SH3PXD2A: variants seen among roughly 807,000 people sequenced by gnomAD.
SH3PXD2A encodes SH3 and PX domains 2A.
A neutral mutation model predicts 115.2 loss-of-function variants in SH3PXD2A; 32 were observed. The ratio of observed to expected loss-of-function variants is 0.28; its 90% CI spans 0.21 to 0.37. SH3PXD2A has a LOEUF of 0.37. SH3PXD2A is among the 10% of genes least tolerant of loss of function. The pLI is 1.00. For missense variants in SH3PXD2A, 1,328 were observed against 1,498.7 expected (o/e 0.89, Z 1.88); for synonymous variants, 610 against 629.1 (o/e 0.97, Z 0.45).
At chr10:103,661,728 G>A (rs950646022) in intron 7 of SH3PXD2A, 3 of 985,388 alleles carry the variant, frequency 3.0e-6, no homozygotes, top group Non-Finnish European at 3.6e-6. Flanking sequence ...CAGGCGAGGA[G>A]TCAAGAGGGT....
At chr10:103,698,329 C>T (rs1175267113) in intron 5 of SH3PXD2A, among the ~76,000 whole-genome samples, 1 of 152,262 alleles carries the variant, frequency 6.6e-6, no homozygotes, top group Non-Finnish European at 1.5e-5. Flanking sequence ...ACACCCCTCA[C>T]CACTCTCCCT....
At chr10:103,686,218 C>A (rs1404116537) in intron 6 of SH3PXD2A, among the ~76,000 whole-genome samples, 2 of 152,216 alleles carry the variant, frequency 1.3e-5, no homozygotes, top group Admixed American at 1.3e-4. Context: ...TGTAACAACA[C>A]TCTTGAGCAA....
intron 2 of SH3PXD2A, among the ~76,000 whole-genome samples, chr10:103,798,159 A>G (rs1168093101): frequency 6.6e-6 from 1 of 152,110 alleles, no homozygotes; most frequent in Non-Finnish European, 1.5e-5. Flanking sequence ...GGTGCAGGGA[A>G]CCAACTTGTA....
chr10:103,693,256 C>T (rs2037783140), intron 5 of SH3PXD2A, 200 bp from the exon 6 acceptor site: 1 of 148,078 alleles, frequency 6.8e-6, no homozygotes, highest in South Asian at 1.8e-4. Context: ...CGCGGGCCCC[C>T]TGCCAGCCCG....
intron 8 of SH3PXD2A, among the ~76,000 whole-genome samples, chr10:103,649,923 G>C (rs1432416299): frequency 1.3e-5 from 2 of 152,176 alleles, no homozygotes; most frequent in Non-Finnish European, 2.9e-5. Context: ...CCAGCTGTAG[G>C]GCAGCCCCAC....
At chr10:103,623,463 C>T (rs1203248416) in intron 9 of SH3PXD2A, among the ~76,000 whole-genome samples, 1 of 152,170 alleles carries the variant, frequency 6.6e-6, no homozygotes, top group African/African-American at 2.4e-5. Flanking sequence ...GCCAGCTGGC[C>T]TCACTTCCTG....
At chr10:103,773,934 T>G (rs1486899777) in intron 2 of SH3PXD2A, among the ~76,000 whole-genome samples, 1 of 152,146 alleles carries the variant, frequency 6.6e-6, no homozygotes, top group African/African-American at 2.4e-5. Flanking sequence ...AGGGTCTCAC[T>G]ATGTTGCCCT....
At chr10:103,717,208 C>T (rs113032718) in intron 5 of SH3PXD2A, among the ~76,000 whole-genome samples, 10 of 152,086 alleles carry the variant, frequency 6.6e-5, no homozygotes, top group East Asian at 1.9e-4. Context: ...CTCTGCTCCC[C>T]GAGGTGGGCA....
rs2036160760 is a variant in SH3PXD2A at position 103,598,163 on chromosome 10, G to T, written c.*3653C>A. ...ATGGAAAATCAAGGAGGAAGAAAGA[G>T]AAACCTTTGGGGCCAGGCTTAGGGT... is the stretch of plus-strand genomic sequence containing the variant. On this transcript the variant is annotated 3_prime_UTR_variant, in exon 15 of 15. Transcript: ENST00000369774. The T allele has an allele frequency of 6.5e-6, 1 of 152,698 alleles. No individual in the cohort carries two copies. Among genetic ancestry groups the T allele is most frequent in the South Asian group, 2.1e-4 (1 of 4,834 alleles). 9.5% of individuals were successfully genotyped at this position (152,698 alleles called of 1,614,324 possible).
At chr10:103,818,334 G>A (rs2039344925) in intron 1 of SH3PXD2A, among the ~76,000 whole-genome samples, 1 of 152,178 alleles carries the variant, frequency 6.6e-6, no homozygotes, top group African/African-American at 2.4e-5. Context: ...TTGGGGAAAT[G>A]TATGCTGGAC....
At chr10:103,716,049 T>G (rs966085280) in intron 5 of SH3PXD2A, among the ~76,000 whole-genome samples, 1 of 152,218 alleles carries the variant, frequency 6.6e-6, no homozygotes. Context: ...GAGAAAGTCA[T>G]GCAGAGGAGA....
intron 5 of SH3PXD2A, among the ~76,000 whole-genome samples, chr10:103,703,801 C>T (rs529385731): frequency 2.6e-5 from 4 of 152,272 alleles, no homozygotes; most frequent in Admixed American, 1.3e-4. Flanking sequence ...TTGGACAGTA[C>T]AGTCCAGACT....
At chr10:103,639,638 A>AG (rs2036922678) in intron 8 of SH3PXD2A, among the ~76,000 whole-genome samples, 1 of 134,370 alleles carries the variant, frequency 7.4e-6, no homozygotes, top group South Asian at 2.6e-4. Context: ...AAAAAGAAAA[A>AG]AAAAAAAGAA....
Position 103,603,807 on chromosome 10 carries a change from A to C in SH3PXD2A, c.1429-18T>G. 6.3e-7 allele frequency: 1 copy of C among 1,577,302 alleles called. No individual in the cohort carries two copies. Among genetic ancestry groups the C allele is most frequent in the Non-Finnish European group, 8.6e-7 (1 of 1,166,130 alleles). On this transcript the variant is annotated intron_variant, in intron 14 of 14. Coordinates refer to ENST00000369774, the MANE Select transcript of SH3PXD2A (RefSeq NM_001394015.1). ...TCAATGACCTGGGGTACGAGTGCAG[A>C]CAAGCCAGTGAGTTGGGAGGATCTG...
At chr10:103,786,850 C>T (rs566819395) in intron 2 of SH3PXD2A, among the ~76,000 whole-genome samples, 7 of 152,230 alleles carry the variant, frequency 4.6e-5, no homozygotes, top group Admixed American at 1.3e-4. Context: ...GACCCCTGCT[C>T]CCCAACCTCC....
At chr10:103,752,569 G>A (rs144443491) in intron 3 of SH3PXD2A, among the ~76,000 whole-genome samples, 1 of 152,220 alleles carries the variant, frequency 6.6e-6, no homozygotes, top group African/African-American at 2.4e-5. Context: ...AAAAGAAACC[G>A]GACAGCAAAG....
In SH3PXD2A at chr10:103,627,020, G is replaced by A; in HGVS notation, c.718+69C>T. On this transcript the variant is annotated intron_variant, in intron 9 of 14. Transcript: ENST00000369774. The surrounding 1 kb of genome is among the most constrained non-coding windows in gnomAD (Gnocchi z 4.4). Reference sequence around the variant, plus strand: ...CACTTTAGGGGTTCTGTTGGTTCTAGGGAAAGAGTGAGAGAGCTGCCTCCA... The same window carrying A: ...CACTTTAGGGGTTCTGTTGGTTCTAAGGAAAGAGTGAGAGAGCTGCCTCCA... The A allele has an allele frequency of 2.4e-6, 2 of 844,748 alleles. No individual in the cohort carries two copies. The highest frequency in any genetic ancestry group is 4.1e-6 in the Non-Finnish European group (2 of 489,118). 52.3% of individuals were successfully genotyped at this position (844,748 alleles called of 1,614,324 possible).
rs1370037332 is a variant in SH3PXD2A at position 103,622,512 on chromosome 10, G to A, written c.760C>T (p.Arg254Trp). ...TTGACCATCCCGCCCAGGGTCCACC[G>A]GCGATCCAGGCGCCGCAGATGGGCC... The part of the protein sequence containing the change: ...RKAHLRRLDR[R>W]WTLGGMVNRQ... Residue 254 changes from arginine to tryptophan, a missense_variant, in exon 10 of 15, where the codon CGG (arginine) becomes TGG (tryptophan). Physicochemically the swap from Arg to Trp is moderately radical, Grantham distance 101. Transcript: ENST00000369774. The A allele has an allele frequency of 9.7e-6, 15 of 1,550,216 alleles. No homozygotes were observed. The South Asian group carries it at 1.3e-4, about 14-fold the overall frequency.
chr10:103,694,027 C>T (rs1201634835), intron 5 of SH3PXD2A, among the ~76,000 whole-genome samples: 1 of 152,150 alleles, frequency 6.6e-6, no homozygotes, highest in South Asian at 2.1e-4. Context: ...ACTCCTCCCA[C>T]CCCCCTCCAT....
Sources: gnomAD v4.1 joint callset for allele counts (sites outside exome capture counted in the v4.1 genomes callset) on GRCh38, gnomAD v4.1.1 for gene constraint, Gnocchi (gnomAD v3.1) non-coding constraint, MANE v1.5 for transcripts, NCBI Gene and HGNC (gene_info 2026-07-23, HGNC 2026-07-21) for gene names.